SLC6A3: variants seen among roughly 807,000 people sequenced by gnomAD.
SLC6A3 encodes solute carrier family 6 member 3, also known as sodium-dependent dopamine transporter.
SLC6A3 carries 19 observed loss-of-function variants against 70.4 expected under a neutral mutation model. The observed-to-expected ratio is 0.27, with a 90% CI of 0.19 to 0.40. SLC6A3 has a LOEUF of 0.40. Among genes scored for constraint, SLC6A3 ranks in the 10% least tolerant of loss-of-function variants. The pLI is 1.00. For missense variants in SLC6A3, 613 were observed against 838.5 expected, an observed-to-expected ratio of 0.73 and a Z score of 3.32; for synonymous variants, 368 against 356.6, an observed-to-expected ratio of 1.03 and a Z score of -0.36.
At chr5:1,426,372 T>C (rs934552932) in intron 4 of SLC6A3, among the ~76,000 whole-genome samples, 6 of 152,138 alleles carry the variant, frequency 3.9e-5, no homozygotes, top group Non-Finnish European at 7.4e-5. Flanking sequence ...GACCCCACTT[T>C]ACAAAAAATT....
Position 1,397,109 on chromosome 5 carries a change from T to C in SLC6A3, c.1840-2351A>G, listed in dbSNP as rs1755739545. Among the ~76,000 whole-genome samples, 1 of 152,070 alleles carries C rather than the reference T, an allele frequency of 6.6e-6. No homozygotes were observed. The highest frequency in any genetic ancestry group is 2.4e-5 in the African/African-American group (1 of 41,414). ...AAATGAAAACAAAATCTAAGTGAGG[T>C]AAGAGACCTGGAGGACCTGGGGCAA... On this transcript the variant is annotated intron_variant, in intron 14 of 14. Transcript: ENST00000270349. This position sits in a 1 kb window ranked among gnomAD's most constrained non-coding sequence, Gnocchi z 4.7.
At chr5:1,420,036 C>G (rs960588078) in intron 6 of SLC6A3, among the ~76,000 whole-genome samples, 1 of 152,208 alleles carries the variant, frequency 6.6e-6, no homozygotes, top group Non-Finnish European at 1.5e-5. Context: ...CCTCATACCC[C>G]AGCTGAGATG....
intron 9 of SLC6A3, among the ~76,000 whole-genome samples, chr5:1,410,806 A>T (rs554519224): frequency 2.0e-5 from 3 of 151,716 alleles, no homozygotes; most frequent in Non-Finnish European, 4.4e-5. Context: ...GTCTGTGTGT[A>T]TGTGTGTGTG....
In SLC6A3 at chr5:1,408,681, G is replaced by A. The variant is rs1756044388; in HGVS notation, c.1498+345C>T. 6.6e-6 allele frequency among the ~76,000 whole-genome samples: 1 copy of A among 152,206 alleles called. No individual in the cohort carries two copies. Among genetic ancestry groups the A allele is most frequent in the African/African-American group, 2.4e-5 (1 of 41,454 alleles). On this transcript the variant is annotated intron_variant, in intron 11 of 14. Coordinates refer to ENST00000270349, the MANE Select transcript of SLC6A3 (RefSeq NM_001044.5). This position sits in a 1 kb window ranked among gnomAD's most constrained non-coding sequence, Gnocchi z 6.4. ...AAGGCGATGACGGCACCTTTGAAAGGCACCATGTCACATCCCTGCTGAAAC... is the reference window on the plus strand; with the variant it reads ...AAGGCGATGACGGCACCTTTGAAAGACACCATGTCACATCCCTGCTGAAAC...
At chr5:1,413,000 T>C (rs1009337524) in intron 8 of SLC6A3, among the ~76,000 whole-genome samples, 41 of 152,352 alleles carry the variant, frequency 2.7e-4, no homozygotes, top group African/African-American at 9.6e-4. Context: ...GCTCAGGGAA[T>C]GTAATGTCAA....
chr5:1,442,773 C>T lies in SLC6A3; in HGVS notation c.286+139G>A, dbSNP rs533139919. 88 of 858,120 alleles carry T rather than the reference C, an allele frequency of 1.0e-4. 1 individual carries two copies. Among genetic ancestry groups the T allele is most frequent in the South Asian group, 8.6e-4 (61 of 70,872 alleles). The allele number at this position is 858,120 out of a possible 1,614,324, so 53.2% of individuals were successfully genotyped here. ...GTGACATCCTCTGGGAGGATCTGCA[C>T]CGGCCGTGAGCTCTCACAGGGAGCT... On this transcript the variant is annotated intron_variant, in intron 2 of 14. Transcript: ENST00000270349. This position sits in a 1 kb window ranked among gnomAD's most constrained non-coding sequence, Gnocchi z 5.0.
In SLC6A3 at chr5:1,396,218, G is replaced by A. The variant is rs925443177; in HGVS notation, c.1840-1460C>T. Among the ~76,000 whole-genome samples the A allele has an allele frequency of 6.6e-5, 10 of 152,190 alleles. No homozygotes were observed. The highest frequency in any genetic ancestry group is 1.2e-4 in the Non-Finnish European group (8 of 68,038). On this transcript the variant is annotated intron_variant, in intron 14 of 14. Coordinates refer to ENST00000270349, the MANE Select transcript of SLC6A3 (RefSeq NM_001044.5). The surrounding 1 kb of genome is among the most constrained non-coding windows in gnomAD (Gnocchi z 7.0). The stretch of plus-strand genomic sequence containing the variant: ...GCTGTGGTTTGTTCACGTGACGGAC[G>A]GTCAGGGACCAGTCACGGTAGGTGA...
chr5:1,443,726 T>C lies in SLC6A3; in HGVS notation c.-45-484A>G, dbSNP rs573947235. 2.0e-5 allele frequency among the ~76,000 whole-genome samples: 3 copies of C among 152,286 alleles called. 1 individual carries two copies. Among genetic ancestry groups the C allele is most frequent in the African/African-American group, 4.8e-5 (2 of 41,570 alleles). ...TCTCGCTCTGTCACCCAGGATGGAA[T>C]ACAGTTGTGATTACAACTCACTGCC... On this transcript the variant is annotated intron_variant, in intron 1 of 14. Coordinates refer to ENST00000270349, the MANE Select transcript of SLC6A3 (RefSeq NM_001044.5).
rs537315151 is a variant in SLC6A3 at position 1,437,402 on chromosome 5, G to A, written c.418+3957C>T. On this transcript the variant is annotated intron_variant, in intron 3 of 14. Transcript: ENST00000270349. The surrounding 1 kb of genome is among the most constrained non-coding windows in gnomAD (Gnocchi z 4.8). ...GACAGAACAGGAGAGAGACAGAGAG[G>A]AGAAGAGACAGAACAGGAGAGACAC... Among the ~76,000 whole-genome samples the A allele has an allele frequency of 1.2e-3, 189 of 152,216 alleles. 1 individual carries two copies. Among genetic ancestry groups the A allele is most frequent in the African/African-American group, 4.3e-3 (180 of 41,548 alleles).
rs551705062 is a variant in SLC6A3 at position 1,394,680 on chromosome 5, G to C, written c.*55C>G. ...CTCGAAACTTAGATTTCCTTGGTTT[G>C]TTCGTGTCTCTCCCATTGCAGGATG... On this transcript the variant is annotated 3_prime_UTR_variant, in exon 15 of 15. Transcript: ENST00000270349. The surrounding 1 kb of genome is among the most constrained non-coding windows in gnomAD (Gnocchi z 4.7). 6.4e-7 allele frequency: 1 copy of C among 1,564,352 alleles called. No individual in the cohort carries two copies. Among genetic ancestry groups the C allele is most frequent in the South Asian group, 1.1e-5 (1 of 90,196 alleles).
Position 1,408,512 on chromosome 5 carries a change from C to A in SLC6A3, c.1498+514G>T, listed in dbSNP as rs1430857086. Among the ~76,000 whole-genome samples the A allele has an allele frequency of 2.0e-5, 3 of 152,128 alleles. No individual in the cohort carries two copies. The highest frequency in any genetic ancestry group is 4.4e-5 in the Non-Finnish European group (3 of 68,014). The stretch of plus-strand genomic sequence containing the variant: ...GGGAAAGGGCAGCCCTGGCTCCAGG[C>A]TGGGTTTTCTGTTGCTGTTTAAACC... On this transcript the variant is annotated intron_variant, in intron 11 of 14. Transcript: ENST00000270349. The surrounding 1 kb of genome is among the most constrained non-coding windows in gnomAD (Gnocchi z 6.4).
At chr5:1,432,065 G>A (rs1756718399) in intron 4 of SLC6A3, among the ~76,000 whole-genome samples, 1 of 152,130 alleles carries the variant, frequency 6.6e-6, no homozygotes, top group Non-Finnish European at 1.5e-5. Flanking sequence ...CACAGAGGAA[G>A]GGTAGGGAGG....
rs1041616524 is a variant in SLC6A3 at position 1,411,393 on chromosome 5, G to A, written c.1157-38C>T. ...CCGCCCTGCTTGCCACAGAGCCCACGCTGTGCTCTCCCGCCCATCCTGCCC... is the reference window on the plus strand; with the variant it reads ...CCGCCCTGCTTGCCACAGAGCCCACACTGTGCTCTCCCGCCCATCCTGCCC... On this transcript the variant is annotated intron_variant, in intron 8 of 14. Transcript: ENST00000270349. This position sits in a 1 kb window ranked among gnomAD's most constrained non-coding sequence, Gnocchi z 6.5. 1.3e-5 allele frequency: 19 copies of A among 1,446,064 alleles called. No homozygotes were observed. The highest frequency in any genetic ancestry group is 9.9e-5 in the East Asian group (4 of 40,462). The allele number at this position is 1,446,064 out of a possible 1,614,324, so 89.6% of individuals were successfully genotyped here. A position where few individuals can be genotyped will look rare whatever the true frequency, so the allele number is the denominator to read the frequency against.
rs1171195804 is a variant in SLC6A3, at chr5:1,411,315, G to C, written c.1197C>G (p.Ala399=). ...LIFIIYPEAI[A]TLPLSSAWAV... Reference sequence around the variant, plus strand: ...CCCAGGCTGAGGACAGAGGGAGCGTGGCGATGGCTTCCGGGTAGATGATGA... The same window carrying C: ...CCCAGGCTGAGGACAGAGGGAGCGTCGCGATGGCTTCCGGGTAGATGATGA... The change falls in exon 9 of 15, where the codon GCC becomes GCG. Residue 399 remains alanine (A), a synonymous_variant. Transcript: ENST00000270349. This position sits in a 1 kb window ranked among gnomAD's most constrained non-coding sequence, Gnocchi z 6.5. The C allele has an allele frequency of 2.6e-6, 4 of 1,553,938 alleles. No homozygotes were observed. The highest frequency in any genetic ancestry group is 3.5e-6 in the Non-Finnish European group (4 of 1,148,602).
chr5:1,407,405 C>T (rs921194553), intron 11 of SLC6A3, among the ~76,000 whole-genome samples: 1 of 152,242 alleles, frequency 6.6e-6, no homozygotes, highest in Non-Finnish European at 1.5e-5. Flanking sequence ...CCCCAAGGCC[C>T]CTCGGCCCCC....
In SLC6A3 at chr5:1,396,341, C is replaced by T. The variant is rs561666080; in HGVS notation, c.1840-1583G>A. Among the ~76,000 whole-genome samples, 837 of 152,340 alleles carry T rather than the reference C, an allele frequency of 5.5e-3. 4 individuals carry two copies. Among genetic ancestry groups the T allele is most frequent in the Non-Finnish European group, 8.9e-3 (605 of 68,030 alleles). ...ACAAGCCCCAAATAAACAAAACACA[C>T]GTGCCGATGACCTTCCAGACCATGG... On this transcript the variant is annotated intron_variant, in intron 14 of 14. Coordinates refer to ENST00000270349, the MANE Select transcript of SLC6A3 (RefSeq NM_001044.5). The surrounding 1 kb of genome is among the most constrained non-coding windows in gnomAD (Gnocchi z 7.0).
At chr5:1,399,605 G>T (rs1206758204) in intron 14 of SLC6A3, among the ~76,000 whole-genome samples, 1 of 152,220 alleles carries the variant, frequency 6.6e-6, no homozygotes, top group African/African-American at 2.4e-5. Context: ...GAGGAGAGAG[G>T]CTCTGGTGGA....
rs546034686 is a variant in SLC6A3, at chr5:1,413,898, G to A, written c.1156+793C>T. Among the ~76,000 whole-genome samples the A allele has an allele frequency of 3.9e-5, 6 of 152,274 alleles. No homozygotes were observed. Among genetic ancestry groups the A allele is most frequent in the South Asian group, 4.2e-4 (2 of 4,816 alleles). On this transcript the variant is annotated intron_variant, in intron 8 of 14. Coordinates refer to ENST00000270349, the MANE Select transcript of SLC6A3 (RefSeq NM_001044.5). The surrounding 1 kb of genome is among the most constrained non-coding windows in gnomAD (Gnocchi z 7.1). ...ACTCTCAGCCCCTGCATCTGTGCCC[G>A]TCCTGCCGGCTCCATCCTGCCTGGC... is the stretch of plus-strand genomic sequence containing the variant.
chr5:1,430,247 GTCC>G (rs1473219765), intron 4 of SLC6A3, among the ~76,000 whole-genome samples: 1 of 151,972 alleles, frequency 6.6e-6, no homozygotes, highest in Non-Finnish European at 1.5e-5. Context: ...TCGTGGCACC[GTCC>G]TCCTCAGAGT....
Sources: gnomAD v4.1 joint callset for allele counts (sites outside exome capture counted in the v4.1 genomes callset) on GRCh38, gnomAD v4.1.1 for gene constraint, Gnocchi (gnomAD v3.1) non-coding constraint, MANE v1.5 for transcripts, NCBI Gene and HGNC (gene_info 2026-07-23, HGNC 2026-07-21) for gene names.